The following LMNB2 variants were observed in gnomAD, a reference collection of about 807,000 sequenced individuals.
LMNB2 encodes the protein lamin-B2.
A neutral mutation model predicts 69.3 loss-of-function variants in LMNB2; 17 were observed. That is an observed-to-expected ratio of 0.25 (90% CI 0.17 to 0.37). LMNB2 has a LOEUF of 0.37. LMNB2 is among the 10% of genes least tolerant of loss of function. The pLI, the probability that LMNB2 is intolerant of heterozygous loss-of-function variation, is 1.00. For synonymous variants in LMNB2, 397 were observed against 389.3 expected (o/e 1.02, Z -0.23); for missense variants, 789 against 883.6 (o/e 0.89, Z 1.36).
chr19:2,434,973 C>A, intron 5 of LMNB2, 28 bp downstream of exon 5: 2 of 1,595,486 alleles, frequency 1.3e-6, no homozygotes, highest in Non-Finnish European at 1.7e-6. Context: ...CCACCGGCCG[C>A]CCCCGCCCAC....
chr19:2,441,011 G>A (rs1469390270), intron 2 of LMNB2, among the ~76,000 whole-genome samples: 1 of 152,236 alleles, frequency 6.6e-6, no homozygotes, highest in Non-Finnish European at 1.5e-5. Context: ...TCCTATCGCT[G>A]TGCTGAATTT....
chr19:2,434,535 C>T lies in LMNB2; in HGVS notation c.982-20G>A, dbSNP rs201776839. ...ACTGGCCTGCGGAGGGGGCGGGTGG[C>T]GAAGGTCAGGGCAGCCCATGGGTCA... On this transcript the variant is annotated intron_variant, in intron 6 of 11. Coordinates refer to ENST00000325327, the MANE Select transcript of LMNB2 (RefSeq NM_032737.4). The T allele has an allele frequency of 4.1e-5, 66 of 1,608,244 alleles. No individual in the cohort carries two copies. In the East Asian group the frequency reaches 1.1e-3, roughly 28 times the overall value.
chr19:2,448,642 T>G (rs1363866014), intron 1 of LMNB2, among the ~76,000 whole-genome samples: 2 of 151,988 alleles, frequency 1.3e-5, no homozygotes, highest in African/African-American at 4.8e-5. Context: ...GGTTAGGAGA[T>G]CAAGACCATC....
rs79733299 is a variant in LMNB2, at chr19:2,447,973, G to A, written c.265-3433C>T. ...TTTATGTATGGGAAAACTGAGGCAC[G>A]GGTCAGTAAAAAGCCGCCTCCTGAC... is the stretch of plus-strand genomic sequence containing the variant. On this transcript the variant is annotated intron_variant, in intron 1 of 11. Coordinates refer to ENST00000325327, the MANE Select transcript of LMNB2 (RefSeq NM_032737.4). The surrounding 1 kb of genome is among the most constrained non-coding windows in gnomAD (Gnocchi z 4.4). Among the ~76,000 whole-genome samples the A allele has an allele frequency of 0.033, 4,957 of 152,282 alleles. 292 individuals are homozygous for A. Among genetic ancestry groups the A allele is most frequent in the African/African-American group, 0.11 (4,698 of 41,534 alleles).
intron 1 of LMNB2, 66 bp from the exon 2 acceptor site, chr19:2,444,606 G>A: frequency 6.3e-7 from 1 of 1,586,992 alleles, no homozygotes; most frequent in Admixed American, 1.7e-5. Context: ...CAGTCAGGGG[G>A]CCCGGCCACT....
At position 2,444,857 on chromosome 19, in the gene LMNB2, C is replaced by T. The variant is rs567831470; in HGVS notation, c.265-317G>A. 1.7e-3 allele frequency among the ~76,000 whole-genome samples: 259 copies of T among 152,344 alleles called. 2 individuals carry two copies. The highest frequency in any genetic ancestry group is 2.6e-4 in the Non-Finnish European group (18 of 68,016). ...CCACGAGCTCCAGCTCCCAGAACAG[C>T]GGCGCCCAGTGCTGGAGACCAAAGG... On this transcript the variant is annotated intron_variant, in intron 1 of 11. Transcript: ENST00000325327.
Position 2,431,800 on chromosome 19 carries a change from C to T in LMNB2, c.1693G>A (p.Val565Ile), listed in dbSNP as rs377753934. Residue 565 changes from valine (V) to isoleucine (I), a missense_variant, in exon 10 of 12, where the codon GTT (valine) becomes ATT (isoleucine). Val to Ile is a conservative substitution (Grantham distance 29, BLOSUM62 3). Around this residue, in one of 3 missense-constraint regions of LMNB2, gnomAD observed 609 missense variants for 630.9 expected, o/e 0.97. Transcript: ENST00000325327. ...ACACCCACCTCGCCATCCGCGTTAACCAGGACGGTGCGGAAGCTCTCGCCC... is the reference window on the plus strand; with the variant it reads ...ACACCCACCTCGCCATCCGCGTTAATCAGGACGGTGCGGAAGCTCTCGCCC... ...GTGESFRTVL[V>I]NADGEEVAMR... is the part of the protein sequence containing the mutation. 1.2e-6 allele frequency: 2 copies of T among 1,613,790 alleles called. No homozygotes were observed. Among genetic ancestry groups the T allele is most frequent in the Non-Finnish European group, 1.7e-6 (2 of 1,179,928 alleles).
chr19:2,447,004 C>G lies in LMNB2; in HGVS notation c.265-2464G>C, dbSNP rs113486722. Among the ~76,000 whole-genome samples the G allele has an allele frequency of 0.2, 30,896 of 151,666 alleles. 3,162 individuals carry two copies. Among genetic ancestry groups the G allele is most frequent in the Middle Eastern group, 0.27 (79 of 294 alleles). The stretch of plus-strand genomic sequence containing the variant: ...AAAAACATACAAAAAATTAGCCAGG[C>G]GTGGTGGTGGGCGCCTGTGGTCCCA... On this transcript the variant is annotated intron_variant, in intron 1 of 11. Transcript: ENST00000325327. The surrounding 1 kb of genome is among the most constrained non-coding windows in gnomAD (Gnocchi z 4.4).
In LMNB2 at chr19:2,456,789, C is replaced by T. The variant is rs1323775512; in HGVS notation, c.145G>A (p.Glu49Lys). 8 of 1,521,584 alleles carry T rather than the reference C, an allele frequency of 5.3e-6. No individual in the cohort carries two copies. Among genetic ancestry groups the T allele is most frequent in the Non-Finnish European group, 7.1e-6 (8 of 1,132,786 alleles). 94.3% of individuals were successfully genotyped at this position (1,521,584 alleles called of 1,614,324 possible). The change falls in exon 1 of 12, where the codon GAG becomes AAG. Residue 49 changes from glutamate to lysine, a missense_variant. By Grantham distance (56) the Glu-to-Lys change is moderately conservative. Coordinates refer to ENST00000325327, the MANE Select transcript of LMNB2 (RefSeq NM_032737.4). The stretch of plus-strand genomic sequence containing the variant: ...AGGCGGTCGTTGAGCTCGCGCAGCT[C>T]CTCCTTCTCCTGCAGCCGCGACAGG... ...TRLSRLQEKEELRELNDRLAH... is the reference protein window; with the variant it reads ...TRLSRLQEKEKLRELNDRLAH...
At chr19:2,454,272 G>T (rs1039194912) in intron 1 of LMNB2, among the ~76,000 whole-genome samples, 1 of 140,852 alleles carries the variant, frequency 7.1e-6, no homozygotes, top group African/African-American at 2.7e-5. Context: ...CAGCCTGGAC[G>T]ACGGAGCGAG....
intron 1 of LMNB2, among the ~76,000 whole-genome samples, chr19:2,446,187 G>A (rs1971953766): frequency 7.6e-6 from 1 of 131,716 alleles, no homozygotes; most frequent in African/African-American, 2.9e-5. Flanking sequence ...ACAGGGATCT[G>A]TAGTCAGAGT....
At chr19:2,441,163 G>T (rs1008441975) in intron 2 of LMNB2, among the ~76,000 whole-genome samples, 2 of 152,202 alleles carry the variant, frequency 1.3e-5, no homozygotes, top group African/African-American at 4.8e-5. Flanking sequence ...CGTGTGAGGG[G>T]TCCCTGGTCG....
chr19:2,431,774 C>T lies in LMNB2; in HGVS notation c.1710+9G>A, dbSNP rs1325343441. 4 of 1,613,708 alleles carry T rather than the reference C, an allele frequency of 2.5e-6. No homozygotes were observed. Among genetic ancestry groups the T allele is most frequent in the Non-Finnish European group, 2.5e-6 (3 of 1,179,890 alleles). ...CCAGCCGAGCACCCCCCAAGCCACA[C>T]ACACCCACCTCGCCATCCGCGTTAA... On this transcript the variant is annotated intron_variant, in intron 10 of 11. Coordinates refer to ENST00000325327, the MANE Select transcript of LMNB2 (RefSeq NM_032737.4).
chr19:2,445,899 C>T (rs1333531219), intron 1 of LMNB2, among the ~76,000 whole-genome samples: 1 of 53,744 alleles, frequency 1.9e-5, no homozygotes, highest in African/African-American at 8.6e-5. Flanking sequence ...TTTCACCCCT[C>T]GATCACAGGG....
chr19:2,451,551 C>T (rs12608691), intron 1 of LMNB2, among the ~76,000 whole-genome samples: 10,790 of 152,250 alleles, frequency 0.071, 596 homozygotes, highest in East Asian at 0.28. Context: ...ACGGGTGTGC[C>T]GGGGCAGGAC....
At chr19:2,441,717 G>A (rs1441448066) in intron 2 of LMNB2, among the ~76,000 whole-genome samples, 2 of 152,264 alleles carry the variant, frequency 1.3e-5, no homozygotes, top group South Asian at 2.1e-4. Flanking sequence ...CTGCCTACCA[G>A]ACAGGAGGTT....
At chr19:2,450,341 G>A (rs937453257) in intron 1 of LMNB2, among the ~76,000 whole-genome samples, 1 of 152,022 alleles carries the variant, frequency 6.6e-6, no homozygotes, top group African/African-American at 2.4e-5. Context: ...GTGAGATAGT[G>A]GATGGGGTCT....
intron 2 of LMNB2, 75 bp downstream of exon 2, chr19:2,444,329 C>CCAGCG: frequency 6.4e-7 from 1 of 1,571,902 alleles, no homozygotes; most frequent in East Asian, 2.2e-5. Flanking sequence ...CCGCACGAGC[C>CCAGCG]CAGCGCCCAC....
Position 2,453,559 on chromosome 19 carries a change from A to G in LMNB2, c.264+3111T>C, listed in dbSNP as rs1045462674. On this transcript the variant is annotated intron_variant, in intron 1 of 11. Coordinates refer to ENST00000325327, the MANE Select transcript of LMNB2 (RefSeq NM_032737.4). The surrounding 1 kb of genome is among the most constrained non-coding windows in gnomAD (Gnocchi z 4.4). ...GGAACTCCCAGCTGTCCCCTGCCAC[A>G]TGCCCTGCAGACACGGCTGGGTGAC... Among the ~76,000 whole-genome samples the G allele has an allele frequency of 6.6e-6, 1 of 152,022 alleles. No homozygotes were observed. The highest frequency in any genetic ancestry group is 1.5e-5 in the Non-Finnish European group (1 of 67,992).
Sources: gnomAD v4.1 joint callset for allele counts (sites outside exome capture counted in the v4.1 genomes callset) on GRCh38, gnomAD v4.1.1 for gene constraint, gnomAD v4.1.1 regional missense constraint, Gnocchi (gnomAD v3.1) non-coding constraint, MANE v1.5 for transcripts, NCBI Gene and HGNC (gene_info 2026-07-23, HGNC 2026-07-21) for gene names.